Variants in COL21A1 observed in about 807,000 individuals in gnomAD.
COL21A1 encodes collagen type XXI alpha 1 chain.
A neutral mutation model predicts 137.9 loss-of-function variants in COL21A1; 149 were observed. The ratio of observed to expected loss-of-function variants is 1.08; its 90% CI spans 0.95 to 1.24. The LOEUF is 1.24. Among genes scored for constraint, COL21A1 ranks in the 50% most tolerant of loss-of-function variants. The pLI is 0.00. For missense variants in COL21A1, 1,167 were observed against 1,158.4 expected (o/e 1.01, Z -0.11); for synonymous variants, 456 against 391.5 (o/e 1.16, Z -1.95).
In COL21A1 at chr6:56,268,757, G is replaced by C. The variant is rs114064125; in HGVS notation, c.-38-86101C>G. Among the ~76,000 whole-genome samples the C allele has an allele frequency of 6.2e-3, 937 of 152,284 alleles. 13 individuals carry two copies. The highest frequency in any genetic ancestry group is 0.021 in the African/African-American group (871 of 41,550). ...GTTCCCTTACCTCCAAACAAGCCCA[G>C]TATCCACCCAGCAGTCGTTCTTAAT... On this transcript the variant is annotated intron_variant, in intron 1 of 28. Coordinates refer to the COL21A1 transcript ENST00000370819.
intron 2 of COL21A1, among the ~76,000 whole-genome samples, chr6:56,181,515 CCACCTGATT>C (rs1321568512): frequency 1.3e-5 from 2 of 151,876 alleles, no homozygotes; most frequent in Admixed American, 1.3e-4. Context: ...TGTTTGTGTG[CCACCTGATT>C]CAGTGGTTTT....
chr6:56,269,547 T>C (rs931361726), intron 1 of COL21A1, among the ~76,000 whole-genome samples: 5 of 148,166 alleles, frequency 3.4e-5, no homozygotes, highest in South Asian at 2.1e-4. Flanking sequence ...CCCAGCTACT[T>C]GGGAGGCTGA....
At chr6:56,254,335 T>C (rs1191387282) in intron 1 of COL21A1, among the ~76,000 whole-genome samples, 3 of 152,226 alleles carry the variant, frequency 2.0e-5, no homozygotes, top group Non-Finnish European at 4.4e-5. Flanking sequence ...ATCGTTTATA[T>C]ACAGGCATCC....
chr6:56,325,838 T>TAA (rs1415176468), intron 1 of COL21A1, among the ~76,000 whole-genome samples: 2 of 1,400 alleles, frequency 1.4e-3, no homozygotes, highest in African/African-American at 1.9e-3. Context: ...GTTATACATA[T>TAA]TATATATAAT....
At chr6:56,288,605 A>G (rs902565523) in intron 1 of COL21A1, among the ~76,000 whole-genome samples, 1 of 152,218 alleles carries the variant, frequency 6.6e-6, no homozygotes, top group Non-Finnish European at 1.5e-5. Flanking sequence ...GAGCAGAAAG[A>G]GTAGATAAAA....
At chr6:56,326,913 T>C (rs1258703797) in intron 1 of COL21A1, among the ~76,000 whole-genome samples, 11 of 152,004 alleles carry the variant, frequency 7.2e-5, no homozygotes. Context: ...TTACTTCCAC[T>C]GGATAGCTGG....
intron 13 of COL21A1, 31 bp downstream of exon 13, chr6:56,126,065 G>C (rs1369481672): frequency 1.4e-6 from 2 of 1,417,702 alleles, no homozygotes; most frequent in Admixed American, 2.3e-5. Flanking sequence ...AAATGGCTTT[G>C]CTATATTTAA....
At chr6:56,117,832 C>A (rs1220561771) in intron 16 of COL21A1, among the ~76,000 whole-genome samples, 1 of 151,592 alleles carries the variant, frequency 6.6e-6, no homozygotes, top group East Asian at 1.9e-4. Context: ...TCCTGAATGC[C>A]CAGTGAGTCA....
At chr6:56,302,231 T>C (rs1395118420) in intron 1 of COL21A1, among the ~76,000 whole-genome samples, 1 of 151,896 alleles carries the variant, frequency 6.6e-6, no homozygotes, top group Non-Finnish European at 1.5e-5. Context: ...TATAATCCTT[T>C]GGGTATATAC....
chr6:56,265,063 A>G (rs545623443), intron 1 of COL21A1, among the ~76,000 whole-genome samples: 58 of 152,308 alleles, frequency 3.8e-4, no homozygotes, highest in African/African-American at 1.4e-3. Context: ...TTACATGGAG[A>G]TCTTTTGGAT....
At chr6:56,378,879 CAGAA>C (rs926073236) in intron 1 of COL21A1, among the ~76,000 whole-genome samples, 6 of 152,160 alleles carry the variant, frequency 3.9e-5, no homozygotes, top group African/African-American at 1.4e-4. Flanking sequence ...GCTCAGAACA[CAGAA>C]AGAGACTCTG....
intron 1 of COL21A1, among the ~76,000 whole-genome samples, chr6:56,290,445 T>C (rs2152335446): frequency 6.6e-6 from 1 of 151,608 alleles, no homozygotes; most frequent in East Asian, 1.9e-4. Flanking sequence ...TTGACAGCCA[T>C]TGCTCTAGAA....
chr6:56,064,401 A>C (rs1766059904), intron 24 of COL21A1, among the ~76,000 whole-genome samples, 177 bp downstream of exon 24: 1 of 152,078 alleles, frequency 6.6e-6, no homozygotes, highest in Non-Finnish European at 1.5e-5. Context: ...CACAAAACAA[A>C]TAATGAAAGA....
At chr6:56,338,082 C>G (rs1765375720) in intron 1 of COL21A1, among the ~76,000 whole-genome samples, 2 of 151,268 alleles carry the variant, frequency 1.3e-5, no homozygotes, top group Admixed American at 6.6e-5. Flanking sequence ...CCTGCCTCAT[C>G]CTCCCAAGTA....
chr6:56,097,802 T>C (rs1769514728), intron 17 of COL21A1, among the ~76,000 whole-genome samples: 1 of 106,248 alleles, frequency 9.4e-6, no homozygotes, highest in Admixed American at 1.3e-4. Flanking sequence ...TATATAAATC[T>C]ATATAAATAT....
chr6:56,108,378 A>T (rs553176156), intron 16 of COL21A1, among the ~76,000 whole-genome samples: 64 of 152,122 alleles, frequency 4.2e-4, no homozygotes, highest in Non-Finnish European at 7.4e-4. Flanking sequence ...AAACAAAGTG[A>T]CTCAAAAAGC....
At chr6:56,080,294 C>G (rs79085804) in intron 17 of COL21A1, among the ~76,000 whole-genome samples, 2,282 of 151,764 alleles carry the variant, frequency 0.015, 34 homozygotes, top group Middle Eastern at 0.037. Flanking sequence ...GGACATATTT[C>G]CTCTACTTCT....
intron 1 of COL21A1, among the ~76,000 whole-genome samples, chr6:56,289,098 T>C (rs900611709): frequency 3.9e-5 from 6 of 152,190 alleles, no homozygotes; most frequent in Non-Finnish European, 5.9e-5. Context: ...ATAGGTAAAG[T>C]GTGCCTAACA....
At chr6:56,363,783 C>A (rs1388801876) in intron 1 of COL21A1, among the ~76,000 whole-genome samples, 2 of 37,510 alleles carry the variant, frequency 5.3e-5, no homozygotes, top group African/African-American at 1.9e-4. Context: ...CAAAATACCC[C>A]CCGACACATT....
Sources: gnomAD v4.1 joint callset for allele counts (sites outside exome capture counted in the v4.1 genomes callset) on GRCh38, gnomAD v4.1.1 for gene constraint, MANE v1.5 for transcripts, NCBI Gene and HGNC (gene_info 2026-07-23, HGNC 2026-07-21) for gene names.